MARCHF11: variants seen among roughly 807,000 people sequenced by gnomAD.
The protein encoded by MARCHF11 is membrane associated ring-CH-type finger 11.
MARCHF11 carries 29 observed loss-of-function variants against 37.3 expected under a neutral mutation model. The ratio of observed to expected loss-of-function variants is 0.78; its 90% CI spans 0.58 to 1.06. The LOEUF is 1.06. Ranked by LOEUF, MARCHF11 falls within the 50% of genes least tolerant of loss-of-function variation. MARCHF11 has a pLI of 0.00. For synonymous variants in MARCHF11, 233 were observed against 228.0 expected, an observed-to-expected ratio of 1.02 and a Z score of -0.20; for missense variants, 482 against 533.4, an observed-to-expected ratio of 0.90 and a Z score of 0.95.
At chr5:16,073,388 G>T (rs1553993338) in intron 3 of MARCHF11, among the ~76,000 whole-genome samples, 1 of 152,140 alleles carries the variant, frequency 6.6e-6, no homozygotes, top group African/African-American at 2.4e-5. Context: ...ATGTCCAGGA[G>T]TTGTGGAAAC....
Position 16,179,035 on chromosome 5 carries a change from T to G in MARCHF11, c.537+4A>C. 1 of 1,468,632 alleles carries G rather than the reference T, an allele frequency of 6.8e-7. No individual in the cohort carries two copies. Among genetic ancestry groups the G allele is most frequent in the Admixed American group, 2.4e-5 (1 of 42,222 alleles). The allele number at this position is 1,468,632 out of a possible 1,614,324, so 91.0% of individuals were successfully genotyped here. A position where few individuals can be genotyped will look rare whatever the true frequency, so the allele number is the denominator to read the frequency against. On this transcript the variant is annotated splice_donor_region_variant and intron_variant, in intron 1 of 3. Transcript: ENST00000332432. ...GGCTGCCTCGGGGTCTCGCCGGGCC[T>G]TACCTGCTCCGCGCCCTGGAAGCAG... is the stretch of plus-strand genomic sequence containing the variant.
At chr5:16,072,249 C>T (rs2126543718) in intron 3 of MARCHF11, among the ~76,000 whole-genome samples, 1 of 152,284 alleles carries the variant, frequency 6.6e-6, no homozygotes, top group Non-Finnish European at 1.5e-5. Flanking sequence ...ACTACAGTCC[C>T]ATCCATCCTA....
At chr5:16,133,999 G>A (rs1737565139) in intron 2 of MARCHF11, among the ~76,000 whole-genome samples, 2 of 152,096 alleles carry the variant, frequency 1.3e-5, no homozygotes, top group Admixed American at 6.6e-5. Context: ...AAAATTTTCA[G>A]AAGAAATACA....
At chr5:16,134,794 A>C (rs755950260) in intron 2 of MARCHF11, among the ~76,000 whole-genome samples, 1 of 152,208 alleles carries the variant, frequency 6.6e-6, no homozygotes, top group South Asian at 2.1e-4. Context: ...TACAAAATCC[A>C]TATGTAAAGA....
intron 3 of MARCHF11, among the ~76,000 whole-genome samples, chr5:16,073,424 C>T (rs1387382078): frequency 6.6e-6 from 1 of 152,110 alleles, no homozygotes; most frequent in Non-Finnish European, 1.5e-5. Flanking sequence ...GAGGTAATCA[C>T]TTTAAAAGTC....
At chr5:16,100,667 C>G (rs2126563180) in intron 2 of MARCHF11, among the ~76,000 whole-genome samples, 1 of 152,220 alleles carries the variant, frequency 6.6e-6, no homozygotes, top group Non-Finnish European at 1.5e-5. Context: ...TACCCAGGTG[C>G]CAAGTCTTTG....
chr5:16,090,063 T>C (rs1397577160), intron 3 of MARCHF11, among the ~76,000 whole-genome samples: 1 of 152,058 alleles, frequency 6.6e-6, no homozygotes, highest in East Asian at 1.9e-4. Context: ...TGTTCCTAAT[T>C]CAGTAGATCT....
rs189055819 is a variant in MARCHF11 at position 16,117,790 on chromosome 5, C to G, written c.694-26709G>C. Among the ~76,000 whole-genome samples, 4 of 152,328 alleles carry G rather than the reference C, an allele frequency of 2.6e-5. No homozygotes were observed. The East Asian group carries it at 5.8e-4, about 22-fold the overall frequency. On this transcript the variant is annotated intron_variant, in intron 2 of 3. Coordinates refer to ENST00000332432, the MANE Select transcript of MARCHF11 (RefSeq NM_001102562.3). ...ACGACATAAAATTTACTCGCTTATC[C>G]TATAGTAACTTAGTGTTCAATTTTT...
chr5:16,093,125 T>C (rs1736812476), intron 2 of MARCHF11, among the ~76,000 whole-genome samples: 1 of 152,194 alleles, frequency 6.6e-6, no homozygotes. Flanking sequence ...AAGCATCCTT[T>C]AAGTCCATGA....
At chr5:16,126,049 C>T (rs1737401081) in intron 2 of MARCHF11, among the ~76,000 whole-genome samples, 1 of 152,152 alleles carries the variant, frequency 6.6e-6, no homozygotes, top group Non-Finnish European at 1.5e-5. Context: ...AGATGAATCC[C>T]TTAACTGTTA....
intron 2 of MARCHF11, among the ~76,000 whole-genome samples, chr5:16,107,931 A>G (rs2126568083): frequency 6.6e-6 from 1 of 152,130 alleles, no homozygotes. Context: ...CTCCCCATCT[A>G]TCCTGTTGAG....
At chr5:16,125,668 T>C (rs956111417) in intron 2 of MARCHF11, among the ~76,000 whole-genome samples, 3 of 137,982 alleles carry the variant, frequency 2.2e-5, no homozygotes, top group Non-Finnish European at 3.1e-5. Flanking sequence ...TGTGTGTGTG[T>C]GTTCATATTG....
chr5:16,127,750 A>G (rs1175331631), intron 2 of MARCHF11, among the ~76,000 whole-genome samples: 1 of 152,076 alleles, frequency 6.6e-6, no homozygotes, highest in Non-Finnish European at 1.5e-5. Context: ...AAGAGGGGAG[A>G]AGAGATGTGC....
At chr5:16,096,650 A>C (rs918735842) in intron 2 of MARCHF11, among the ~76,000 whole-genome samples, 2 of 152,212 alleles carry the variant, frequency 1.3e-5, no homozygotes, top group African/African-American at 4.8e-5. Flanking sequence ...ATGGAGGTTT[A>C]TTACTGCCTT....
Position 16,179,741 on chromosome 5 carries a change from G to A in MARCHF11, c.-166C>T. 1 of 350,962 alleles carries A rather than the reference G, an allele frequency of 2.8e-6. No individual in the cohort carries two copies. The highest frequency in any genetic ancestry group is 6.5e-5 in the East Asian group (1 of 15,376). The allele number at this position is 350,962 out of a possible 1,614,324, so 21.7% of individuals were successfully genotyped here. ...GGGAGGGGATGCGGAAGGTTCTGCA[G>A]CTGCGGCGGCGGCAGGCGCGGCCGT... On this transcript the variant is annotated 5_prime_UTR_variant, in exon 1 of 4. Coordinates refer to ENST00000332432, the MANE Select transcript of MARCHF11 (RefSeq NM_001102562.3).
At position 16,116,733 on chromosome 5, in the gene MARCHF11, T is replaced by C. The variant is rs547871850; in HGVS notation, c.694-25652A>G. 2.6e-5 allele frequency among the ~76,000 whole-genome samples: 4 copies of C among 152,218 alleles called. No homozygotes were observed. The South Asian group carries it at 8.3e-4, about 32-fold the overall frequency. On this transcript the variant is annotated intron_variant, in intron 2 of 3. Transcript: ENST00000332432. ...AAGAATGCAAAGATCTATCATACAA[T>C]GATGAACAGCTGCATAAAAATATCT...
At chr5:16,093,787 C>T (rs893538521) in intron 2 of MARCHF11, among the ~76,000 whole-genome samples, 1 of 152,192 alleles carries the variant, frequency 6.6e-6, no homozygotes, top group Admixed American at 6.5e-5. Context: ...CCTTTGATTA[C>T]AGTACACTGG....
At chr5:16,158,189 A>G (rs540576255) in intron 2 of MARCHF11, among the ~76,000 whole-genome samples, 1 of 152,078 alleles carries the variant, frequency 6.6e-6, no homozygotes, top group South Asian at 2.1e-4. Flanking sequence ...GTTGGCAAGG[A>G]TGTGGAAAAA....
At chr5:16,132,253 G>A (rs112867999) in intron 2 of MARCHF11, among the ~76,000 whole-genome samples, 1,565 of 152,338 alleles carry the variant, frequency 0.01, 21 homozygotes, top group African/African-American at 0.015. Context: ...CAGCTGAGAA[G>A]GAGAAGGGAC....
Sources: gnomAD v4.1 joint callset for allele counts (sites outside exome capture counted in the v4.1 genomes callset) on GRCh38, gnomAD v4.1.1 for gene constraint, MANE v1.5 for transcripts, NCBI Gene and HGNC (gene_info 2026-07-23, HGNC 2026-07-21) for gene names.